Variants in MAN2B2 observed in about 807,000 individuals in gnomAD.
The protein encoded by MAN2B2 is mannosidase alpha class 2B member 2.
In MAN2B2, 106 loss-of-function variants were observed where a neutral mutation model predicts 117.1. The observed-to-expected ratio is 0.90, with a 90% CI of 0.77 to 1.06. The LOEUF (loss-of-function observed/expected upper bound fraction) is 1.06. MAN2B2 is among the 50% of genes least tolerant of loss of function. The pLI is 0.00. For synonymous variants in MAN2B2, 544 were observed against 595.1 expected (o/e 0.91, Z 1.25); for missense variants, 1,326 against 1,381.4 (o/e 0.96, Z 0.64).
At chr4:6,609,720 C>CA in intron 12 of MAN2B2, 78 bp from the exon 13 acceptor site, 20 of 1,464,924 alleles carry the variant, frequency 1.4e-5, no homozygotes, top group East Asian at 2.3e-5. Flanking sequence ...ACCCTGCCCA[C>CA]ATGAAGGAAG....
chr4:6,607,150 T>C (rs1727582880), intron 11 of MAN2B2, among the ~76,000 whole-genome samples: 1 of 152,194 alleles, frequency 6.6e-6, no homozygotes, highest in African/African-American at 2.4e-5. Flanking sequence ...GTTCATACAA[T>C]ATGTGGTCCT....
At chr4:6,607,474 G>C (rs1358335699) in intron 11 of MAN2B2, among the ~76,000 whole-genome samples, 1 of 152,142 alleles carries the variant, frequency 6.6e-6, no homozygotes, top group Non-Finnish European at 1.5e-5. Flanking sequence ...CAAAGTGCTG[G>C]GATTACAGGC....
At chr4:6,616,869 C>T (rs564721244) in intron 16 of MAN2B2, among the ~76,000 whole-genome samples, 1 of 152,240 alleles carries the variant, frequency 6.6e-6, no homozygotes, top group East Asian at 1.9e-4. Flanking sequence ...GTTTCCTTGT[C>T]GAGTGGGGGC....
At chr4:6,598,477 C>G in intron 9 of MAN2B2, 123 bp downstream of exon 9, 1 of 1,092,408 alleles carries the variant, frequency 9.2e-7, no homozygotes, top group Non-Finnish European at 1.3e-6. Flanking sequence ...ATCGCCCTTC[C>G]CCATGGTGAG....
At chr4:6,618,495 G>A (rs1447124498) in intron 17 of MAN2B2, 1 of 152,258 alleles carries the variant, frequency 6.6e-6, no homozygotes, top group Non-Finnish European at 1.5e-5. Context: ...AGAGGTGAGA[G>A]TTCTTTGCCC....
chr4:6,623,146 G>A lies in MAN2B2; in HGVS notation c.*1861G>A, dbSNP rs1360665445. ...AAAGCAACCGGATCACTGGTGGTCA[G>A]TAGTTCAAGACCAGGCTGGCCAACA... On this transcript the variant is annotated 3_prime_UTR_variant, in exon 19 of 19. Coordinates refer to ENST00000285599, the MANE Select transcript of MAN2B2 (RefSeq NM_015274.3). 6.6e-6 allele frequency: 1 copy of A among 151,946 alleles called. No individual in the cohort carries two copies. Among genetic ancestry groups the A allele is most frequent in the South Asian group, 2.1e-4 (1 of 4,840 alleles). 9.4% of individuals were successfully genotyped at this position (151,946 alleles called of 1,614,324 possible). A position where few individuals can be genotyped will look rare whatever the true frequency, so the allele number is the denominator to read the frequency against.
chr4:6,579,040 C>T (rs1311563679), intron 3 of MAN2B2, among the ~76,000 whole-genome samples: 5 of 95,280 alleles, frequency 5.2e-5, no homozygotes, highest in Admixed American at 5.1e-4. Flanking sequence ...CCACTACCAC[C>T]ATCACCACCA....
At chr4:6,581,249 AG>A (rs1320050869) in intron 3 of MAN2B2, among the ~76,000 whole-genome samples, 1 of 152,016 alleles carries the variant, frequency 6.6e-6, no homozygotes, top group Non-Finnish European at 1.5e-5. Context: ...CTTGTGGCTG[AG>A]CCCCTCTCAC....
Position 6,621,423 on chromosome 4 carries a change from G to A in MAN2B2, c.*138G>A. 1.5e-6 allele frequency: 1 copy of A among 646,872 alleles called. No homozygotes were observed. Among genetic ancestry groups the A allele is most frequent in the Non-Finnish European group, 2.6e-6 (1 of 389,438 alleles). 40.1% of individuals were successfully genotyped at this position (646,872 alleles called of 1,614,324 possible). A position where few individuals can be genotyped will look rare whatever the true frequency, so the allele number is the denominator to read the frequency against. ...CATCTGCAGGCTAATGGCAGGAAAT[G>A]GTCATATTTGGGGTTTTTCCCTAAT... On this transcript the variant is annotated 3_prime_UTR_variant, in exon 19 of 19. Transcript: ENST00000285599.
At chr4:6,579,289 TCACCACCACCATCAC>T (rs1726294550) in intron 3 of MAN2B2, among the ~76,000 whole-genome samples, 2 of 14,844 alleles carry the variant, frequency 1.3e-4, no homozygotes, top group Admixed American at 9.1e-4. Flanking sequence ...ACCATCACCA[TCACCACCACCATCAC>T]CACCACCACC....
At chr4:6,579,156 C>CCAT (rs1350721711) in intron 3 of MAN2B2, among the ~76,000 whole-genome samples, 4 of 87,218 alleles carry the variant, frequency 4.6e-5, no homozygotes, top group Admixed American at 3.5e-4. Context: ...ACCACCATCA[C>CCAT]CATCACCACC....
chr4:6,597,246 T>C lies in MAN2B2; in HGVS notation c.1191T>C (p.His397=). Residue 397 remains histidine, a synonymous_variant, in exon 8 of 19, where the codon CAT becomes CAC. Transcript: ENST00000285599. Reference sequence around the variant, plus strand: ...ACCTGTGGCCGGCCCCCCGTGGGCATCTGGACCCCACCTGGGCCCTGCAGC... The same window carrying C: ...ACCTGTGGCCGGCCCCCCGTGGGCACCTGGACCCCACCTGGGCCCTGCAGC... ...TRYLWPAPRG[H]LDPTWALQQL... 1 of 1,602,548 alleles carries C rather than the reference T, an allele frequency of 6.2e-7. No individual in the cohort carries two copies. Among genetic ancestry groups the C allele is most frequent in the Non-Finnish European group, 8.5e-7 (1 of 1,173,440 alleles).
chr4:6,588,413 G>A (rs1224602635), intron 4 of MAN2B2, among the ~76,000 whole-genome samples: 1 of 152,154 alleles, frequency 6.6e-6, no homozygotes, highest in Non-Finnish European at 1.5e-5. Flanking sequence ...ATTTTAACTT[G>A]ATTACTTCTG....
intron 9 of MAN2B2, among the ~76,000 whole-genome samples, chr4:6,599,068 A>G (rs888093394): frequency 1.7e-4 from 26 of 152,212 alleles, no homozygotes; most frequent in African/African-American, 5.3e-4. Context: ...TCCCACCCAC[A>G]GCCTGCACCT....
rs56836880 is a variant in MAN2B2, at chr4:6,581,480, G to A, written c.391+2982G>A. Among the ~76,000 whole-genome samples, 1,501 of 152,196 alleles carry A rather than the reference G, an allele frequency of 9.9e-3. 21 individuals are homozygous for A. The highest frequency in any genetic ancestry group is 0.034 in the African/African-American group (1,420 of 41,508). On this transcript the variant is annotated intron_variant, in intron 3 of 18. Coordinates refer to ENST00000285599, the MANE Select transcript of MAN2B2 (RefSeq NM_015274.3). ...CTTAACTTGTAGTCCCTAGGGCGGG[G>A]GCAGAGTGTGTGTATCAGACCACCC...
At position 6,578,365 on chromosome 4, in the gene MAN2B2, T is replaced by C. The variant is rs577753131; in HGVS notation, c.286-28T>C. On this transcript the variant is annotated intron_variant, in intron 2 of 18. Coordinates refer to ENST00000285599, the MANE Select transcript of MAN2B2 (RefSeq NM_015274.3). ...GCCATGCTCAGGAGCCGTAACTGGC[T>C]TTTTTCTCTCTGCCTGCCCATGTCA... is the stretch of plus-strand genomic sequence containing the variant. 3 of 1,587,138 alleles carry C rather than the reference T, an allele frequency of 1.9e-6. No individual in the cohort carries two copies. In the South Asian group the frequency reaches 3.4e-5, roughly 18 times the overall value.
At chr4:6,593,429 C>T (rs1338343896) in intron 6 of MAN2B2, 79 bp downstream of exon 6, 1 of 1,403,292 alleles carries the variant, frequency 7.1e-7, no homozygotes, top group African/African-American at 1.5e-5. Flanking sequence ...GCACCCAGGG[C>T]CACCCTATCC....
chr4:6,579,198 C>G (rs796799258), intron 3 of MAN2B2, among the ~76,000 whole-genome samples: 1 of 56,640 alleles, frequency 1.8e-5, no homozygotes, highest in Non-Finnish European at 4.5e-5. Flanking sequence ...ACCAGCACCA[C>G]CACCATCACC....
chr4:6,595,165 C>T (rs1302858125), intron 7 of MAN2B2, among the ~76,000 whole-genome samples: 3 of 152,194 alleles, frequency 2.0e-5, no homozygotes, highest in Non-Finnish European at 4.4e-5. Context: ...TGCCTGTGTC[C>T]TCAGGCCAGA....
Sources: gnomAD v4.1 joint callset for allele counts (sites outside exome capture counted in the v4.1 genomes callset) on GRCh38, gnomAD v4.1.1 for gene constraint, MANE v1.5 for transcripts, NCBI Gene and HGNC (gene_info 2026-07-23, HGNC 2026-07-21) for gene names.